POM121: variants seen among roughly 807,000 people sequenced by gnomAD.
POM121 encodes POM121 transmembrane nucleoporin.
A neutral mutation model predicts 81.3 loss-of-function variants in POM121; 32 were observed. That is an observed-to-expected ratio of 0.39 (90% CI 0.30 to 0.53). The LOEUF is 0.53. Ranked by LOEUF, POM121 falls within the 20% of genes least tolerant of loss-of-function variation. The pLI is 0.66. For missense variants in POM121, 1,138 were observed against 1,614.6 expected, an observed-to-expected ratio of 0.70 and a Z score of 5.06; for synonymous variants, 514 against 694.2, an observed-to-expected ratio of 0.74 and a Z score of 4.08.
intron 3 of POM121, among the ~76,000 whole-genome samples, chr7:72,902,116 A>G (rs1792714994): frequency 6.6e-6 from 1 of 151,946 alleles, no homozygotes; most frequent in Non-Finnish European, 1.5e-5. Flanking sequence ...CATGAAAAAA[A>G]AAACAAAAAA....
At position 72,926,936 on chromosome 7, in the gene POM121, T is replaced by G. The variant is rs782714906; in HGVS notation, c.995T>G (p.Phe332Cys). The G allele has an allele frequency of 1.5e-4, 241 of 1,613,824 alleles. No homozygotes were observed. Among genetic ancestry groups the G allele is most frequent in the Middle Eastern group, 6.6e-4 (4 of 6,078 alleles). ...KRTVEEEDQI[F>C]LDGQENKRRR... ...ACAGTGGAGGAAGAAGACCAAATAT[T>G]CCTTGATGGCCAGGAAAATAAAAGA... Residue 332 changes from phenylalanine to cysteine, a missense_variant, in exon 3 of 13, where the codon TTC becomes TGC. Coordinates refer to ENST00000434423, the MANE Select transcript of POM121 (RefSeq NM_001387691.1).
At chr7:72,889,174 C>T (rs1554490496) in intron 1 of POM121, among the ~76,000 whole-genome samples, 3 of 152,214 alleles carry the variant, frequency 2.0e-5, no homozygotes, top group African/African-American at 7.2e-5. Flanking sequence ...ACTAACTTAA[C>T]CCAGAAAGTT....
chr7:72,945,419 T>C (rs574883321), intron 11 of POM121, among the ~76,000 whole-genome samples, 167 bp from the exon 12 acceptor site: 2 of 152,006 alleles, frequency 1.3e-5, no homozygotes, highest in African/African-American at 4.8e-5. Flanking sequence ...GCACCAGGCA[T>C]GAAGACTCGG....
intron 12 of POM121, 75 bp from the exon 13 acceptor site, chr7:72,946,062 T>C (rs1158554408): frequency 6.4e-7 from 1 of 1,571,758 alleles, no homozygotes; most frequent in Non-Finnish European, 8.6e-7. Flanking sequence ...GGCCTGGCCT[T>C]CCAGAGATTT....
At chr7:72,894,902 A>G (rs1791783146) in intron 3 of POM121, among the ~76,000 whole-genome samples, 1 of 152,132 alleles carries the variant, frequency 6.6e-6, no homozygotes, top group South Asian at 2.1e-4. Flanking sequence ...ATCATAGCTC[A>G]TGGCAGCTTT....
At chr7:72,949,166 CCTGAAATCCTCGCTT>C (rs543469510), downstream of POM121, 2,852 of 1,302,466 alleles carry the variant, frequency 2.2e-3, 22 homozygotes, top group South Asian at 6.6e-3. Flanking sequence ...AATCCTCGCT[CCTGAAATCCTCGCTT>C]CACAGAGGAG....
At chr7:72,918,357 G>A (rs1273152428) in intron 4 of POM121, among the ~76,000 whole-genome samples, 2 of 152,174 alleles carry the variant, frequency 1.3e-5, no homozygotes, top group Non-Finnish European at 2.9e-5. Context: ...AGATGCTGGC[G>A]TCACTGCTAG....
At chr7:72,923,559 A>G (rs1795030169), upstream of POM121, among the ~76,000 whole-genome samples, 1 of 145,486 alleles carries the variant, frequency 6.9e-6, no homozygotes, top group African/African-American at 2.6e-5. Context: ...AGTAGCTGGG[A>G]CTACAGGCAG....
At chr7:72,906,762 A>G (rs1793277346) in intron 3 of POM121, among the ~76,000 whole-genome samples, 1 of 151,196 alleles carries the variant, frequency 6.6e-6, no homozygotes, top group Non-Finnish European at 1.5e-5. Context: ...AGCTGGGACT[A>G]TAGGTATGTG....
chr7:72,929,532 A>G (rs1554498165), intron 4 of POM121, among the ~76,000 whole-genome samples: 1 of 152,160 alleles, frequency 6.6e-6, no homozygotes, highest in African/African-American at 2.4e-5. Flanking sequence ...GACATAAAAT[A>G]GACCGTACTT....
downstream of POM121, chr7:72,949,911 T>G (rs1554504419): frequency 8.7e-6 from 14 of 1,611,792 alleles, no homozygotes; most frequent in African/African-American, 1.3e-5. Flanking sequence ...CAGGCATCCA[T>G]GACATGGGAG....
intron 5 of POM121, among the ~76,000 whole-genome samples, chr7:72,936,512 C>T (rs1554499540): frequency 2.0e-5 from 3 of 148,872 alleles, no homozygotes; most frequent in African/African-American, 7.5e-5. Context: ...CTCCTGACCT[C>T]GTGATCCGCC....
chr7:72,948,682 C>T (rs377312189), downstream of POM121: 15 of 1,601,608 alleles, frequency 9.4e-6, no homozygotes, highest in Admixed American at 1.7e-5. Context: ...GCATCTCGAC[C>T]CGTTCAATTA....
At chr7:72,948,907 T>C (rs782538858), downstream of POM121, 2 of 1,612,298 alleles carry the variant, frequency 1.2e-6, no homozygotes, top group South Asian at 2.2e-5. Context: ...GGCGCCCGGG[T>C]TCTGCTGCAG....
At chr7:72,904,055 C>T (rs1455469811) in intron 3 of POM121, among the ~76,000 whole-genome samples, 3 of 152,324 alleles carry the variant, frequency 2.0e-5, no homozygotes, top group Admixed American at 6.5e-5. Flanking sequence ...CTGCCCGCCT[C>T]GGCTTCCCAA....
chr7:72,949,708 T>G, downstream of POM121: 1 of 715,916 alleles, frequency 1.4e-6, no homozygotes, highest in South Asian at 1.6e-5. Flanking sequence ...TGGGGAAAGC[T>G]TAGCTTGGGG....
At chr7:72,912,869 G>A (rs879981727) in intron 3 of POM121, among the ~76,000 whole-genome samples, 2 of 152,154 alleles carry the variant, frequency 1.3e-5, no homozygotes, top group Non-Finnish European at 2.9e-5. Context: ...AGACCAGCAC[G>A]GCGGGTAATT....
chr7:72,934,313 G>A (rs1796305193), intron 5 of POM121, among the ~76,000 whole-genome samples: 1 of 152,114 alleles, frequency 6.6e-6, no homozygotes. Flanking sequence ...TCGAACTCGT[G>A]ACCTCAGGTG....
chr7:72,890,198 GGAA>G (rs1483574294), intron 1 of POM121, among the ~76,000 whole-genome samples: 5 of 152,184 alleles, frequency 3.3e-5, no homozygotes, highest in Admixed American at 6.5e-5. Flanking sequence ...CAGTGAGTTA[GGAA>G]GAAGAAGACC....
Sources: allele counts gnomAD v4.1 joint callset (sites outside exome capture counted in the v4.1 genomes callset), GRCh38; gene constraint gnomAD v4.1.1; transcripts MANE v1.5; gene names NCBI Gene and HGNC (gene_info 2026-07-23, HGNC 2026-07-21).